Variants in MARCHF3 observed in about 807,000 individuals in gnomAD.
The protein encoded by MARCHF3 is E3 ubiquitin-protein ligase MARCHF3.
In MARCHF3, 13 loss-of-function variants were observed where a neutral mutation model predicts 24.2. The ratio of observed to expected loss-of-function variants is 0.54; its 90% CI spans 0.35 to 0.85. The LOEUF (loss-of-function observed/expected upper bound fraction) is 0.85, where lower values mean the gene tolerates loss of function less well. Among genes scored for constraint, MARCHF3 ranks in the 40% least tolerant of loss-of-function variants. The pLI is 0.01. For missense variants in MARCHF3, 276 were observed against 325.0 expected, an observed-to-expected ratio of 0.85 and a Z score of 1.16; for synonymous variants, 144 against 137.3, an observed-to-expected ratio of 1.05 and a Z score of -0.34.
At chr5:126,979,163 T>C (rs1257842876) in intron 1 of MARCHF3, among the ~76,000 whole-genome samples, 1 of 152,248 alleles carries the variant, frequency 6.6e-6, no homozygotes, top group Non-Finnish European at 1.5e-5. Flanking sequence ...ACAGTCATTC[T>C]GAGGGGCTTT....
chr5:126,974,808 G>C (rs1315556255), intron 1 of MARCHF3, among the ~76,000 whole-genome samples: 1 of 152,142 alleles, frequency 6.6e-6, no homozygotes, highest in Non-Finnish European at 1.5e-5. Context: ...GTCATGCTTT[G>C]AGCATTACTT....
chr5:126,890,037 C>G (rs1262226710), intron 3 of MARCHF3, among the ~76,000 whole-genome samples: 1 of 152,132 alleles, frequency 6.6e-6, no homozygotes, highest in African/African-American at 2.4e-5. Flanking sequence ...CTCTCACTTT[C>G]TGTGCAGGCA....
chr5:126,900,888 GAC>G (rs1355300336), intron 3 of MARCHF3, among the ~76,000 whole-genome samples: 3 of 151,862 alleles, frequency 2.0e-5, no homozygotes, highest in Admixed American at 1.3e-4. Flanking sequence ...TTTCAGTAGA[GAC>G]AGGGTTTCAC....
chr5:127,008,411 T>A (rs1752374221), intron 1 of MARCHF3, among the ~76,000 whole-genome samples: 1 of 152,220 alleles, frequency 6.6e-6, no homozygotes, highest in East Asian at 1.9e-4. Flanking sequence ...AGTTTTCTTC[T>A]GCAGTCACTT....
intron 3 of MARCHF3, among the ~76,000 whole-genome samples, chr5:126,891,640 TG>T (rs1753696946): frequency 7.1e-6 from 1 of 140,338 alleles, no homozygotes; most frequent in South Asian, 2.5e-4. Context: ...TCTGTTCCAC[TG>T]ATCTATATCT....
At chr5:127,000,029 GATC>G (rs1306563918) in intron 1 of MARCHF3, among the ~76,000 whole-genome samples, 2 of 148,696 alleles carry the variant, frequency 1.3e-5, no homozygotes, top group Admixed American at 6.7e-5. Context: ...GAATATATAA[GATC>G]ATTAATATTA....
At chr5:127,012,001 G>A (rs2126857807) in intron 1 of MARCHF3, among the ~76,000 whole-genome samples, 1 of 152,284 alleles carries the variant, frequency 6.6e-6, no homozygotes, top group Non-Finnish European at 1.5e-5. Flanking sequence ...GTTCAGCCCT[G>A]TTGAGTCCTT....
chr5:126,956,653 A>AC (rs1342619381), intron 1 of MARCHF3, among the ~76,000 whole-genome samples: 2 of 139,954 alleles, frequency 1.4e-5, no homozygotes, highest in South Asian at 2.2e-4. Context: ...TCCAAAAAAA[A>AC]AAAAAAAAAA....
intron 3 of MARCHF3, among the ~76,000 whole-genome samples, chr5:126,908,670 A>G (rs1754393840): frequency 6.6e-6 from 1 of 151,506 alleles, no homozygotes; most frequent in Non-Finnish European, 1.5e-5. Flanking sequence ...TTTCAGCTCC[A>G]TCAGCTCCTT....
chr5:126,928,484 A>T (rs536529811), intron 1 of MARCHF3, among the ~76,000 whole-genome samples: 8 of 152,242 alleles, frequency 5.3e-5, no homozygotes, highest in African/African-American at 9.6e-5. Context: ...TGTCAAAAAA[A>T]TTTTTTTTAA....
intron 3 of MARCHF3, among the ~76,000 whole-genome samples, chr5:126,901,891 C>G (rs1482245351): frequency 6.6e-6 from 1 of 152,070 alleles, no homozygotes; most frequent in Non-Finnish European, 1.5e-5. Context: ...TTCAATTCTC[C>G]TCTCTCAGAC....
intron 1 of MARCHF3, among the ~76,000 whole-genome samples, chr5:126,952,249 A>AT (rs1304218853): frequency 6.6e-6 from 1 of 152,102 alleles, no homozygotes; most frequent in African/African-American, 2.4e-5. Context: ...GCAAACTTGC[A>AT]TTTTTTCTAG....
intron 3 of MARCHF3, among the ~76,000 whole-genome samples, chr5:126,911,179 G>T (rs559022727): frequency 9.9e-4 from 151 of 152,202 alleles, no homozygotes; most frequent in Non-Finnish European, 1.8e-3. Context: ...AATTTTGCCC[G>T]GGTCCTGTGG....
At chr5:126,871,981 G>A (rs549022955) in intron 4 of MARCHF3, among the ~76,000 whole-genome samples, 35 of 151,754 alleles carry the variant, frequency 2.3e-4, no homozygotes, top group African/African-American at 8.2e-4. Context: ...AAAGGGCTGG[G>A]ATTACAGGCG....
rs1415476973 is a variant in MARCHF3 at position 126,870,703 on chromosome 5, A to G, written c.692T>C (p.Val231Ala). 1 of 1,614,252 alleles carries G rather than the reference A, an allele frequency of 6.2e-7. No homozygotes were observed. Among genetic ancestry groups the G allele is most frequent in the South Asian group, 1.1e-5 (1 of 91,088 alleles). The change falls in exon 5 of 5, where the codon GTA becomes GCA. Residue 231 changes from valine to alanine, a missense_variant. Physicochemically the swap from Val to Ala is moderately conservative, Grantham distance 64. Transcript: ENST00000308660. ...VILLIPKSVN[V>A]PSNQPSLLGL... ...CAGCAAGGACGGCTGGTTAGAAGGTACATTGACAGACTTTGGAATGAGGAG... is the reference window on the plus strand; with the variant it reads ...CAGCAAGGACGGCTGGTTAGAAGGTGCATTGACAGACTTTGGAATGAGGAG...
intron 1 of MARCHF3, among the ~76,000 whole-genome samples, chr5:127,024,812 T>C (rs749930315): frequency 1.3e-5 from 2 of 152,218 alleles, no homozygotes; most frequent in Non-Finnish European, 2.9e-5. Context: ...AGTTCTCTTG[T>C]TGTTCTATGA....
chr5:126,978,536 C>T (rs566069281), intron 1 of MARCHF3, among the ~76,000 whole-genome samples: 1 of 152,322 alleles, frequency 6.6e-6, no homozygotes, highest in Non-Finnish European at 1.5e-5. Context: ...GATAAGATGT[C>T]AGAGTGTCCA....
chr5:126,979,891 T>G (rs1380765970), intron 1 of MARCHF3, among the ~76,000 whole-genome samples: 1 of 133,614 alleles, frequency 7.5e-6, no homozygotes, highest in African/African-American at 2.9e-5. Flanking sequence ...GAGGTTGAGG[T>G]GAGCCGAGAT....
intron 3 of MARCHF3, 64 bp downstream of exon 3, chr5:126,914,866 G>T (rs1301419417): frequency 1.5e-5 from 23 of 1,527,490 alleles, no homozygotes; most frequent in Non-Finnish European, 1.6e-5. Context: ...TGTGATCCAG[G>T]CATAAAAACA....
Sources: allele counts gnomAD v4.1 joint callset (sites outside exome capture counted in the v4.1 genomes callset), GRCh38; gene constraint gnomAD v4.1.1; transcripts MANE v1.5; gene names NCBI Gene and HGNC (gene_info 2026-07-23, HGNC 2026-07-21).